The following DCP1B variants were observed in gnomAD, a reference collection of about 807,000 sequenced individuals.
DCP1B encodes decapping mRNA 1B, also known as mRNA-decapping enzyme 1B.
A neutral mutation model predicts 60.5 loss-of-function variants in DCP1B; 47 were observed. The ratio of observed to expected loss-of-function variants is 0.78; its 90% CI spans 0.61 to 0.99. DCP1B has a LOEUF of 0.99. Ranked by LOEUF, DCP1B falls within the 50% of genes least tolerant of loss-of-function variation. The probability of loss-of-function intolerance (pLI) is 0.00; values close to 1 mark genes in which losing one functional copy is unlikely to be tolerated. For synonymous variants in DCP1B, 267 were observed against 280.3 expected, an observed-to-expected ratio of 0.95 and a Z score of 0.47; for missense variants, 725 against 756.8, an observed-to-expected ratio of 0.96 and a Z score of 0.49.
rs745347717 is a variant in DCP1B, at chr12:1,952,775, T to G, written c.1165A>C (p.Thr389Pro). 1.9e-6 allele frequency: 3 copies of G among 1,614,176 alleles called. No individual in the cohort carries two copies. In the East Asian group the frequency reaches 6.7e-5, roughly 36 times the overall value. Residue 389 changes from threonine (T) to proline (P), a missense_variant, in exon 7 of 9, where the codon ACT (threonine) becomes CCT (proline). By Grantham distance (38) the Thr-to-Pro change is conservative. Transcript: ENST00000280665. Reference protein sequence around the residue: ...SAALNRSRAPTSVTPVAPGKG... With the variant: ...SAALNRSRAPPSVTPVAPGKG... ...CCTGGAGCCACAGGGGTGACAGAAG[T>G]GGGAGCTCTGCTGCGGTTCAGGGCA... is the stretch of plus-strand genomic sequence containing the variant.
chr12:1,950,281 G>T (rs768730634), intron 7 of DCP1B: 28 of 701,954 alleles, frequency 4.0e-5, no homozygotes, highest in Non-Finnish European at 5.5e-5. Flanking sequence ...GCGGTGCTGA[G>T]CAGTGATGCT....
intron 1 of DCP1B, 161 bp downstream of exon 1, chr12:2,004,121 C>G: frequency 9.6e-7 from 1 of 1,039,688 alleles, no homozygotes. Context: ...CCCCAAACCC[C>G]CGAGACCCCA....
In DCP1B at chr12:1,989,282, G is replaced by A. The variant is rs562433471; in HGVS notation, c.319+3982C>T. On this transcript the variant is annotated intron_variant, in intron 3 of 8. Transcript: ENST00000280665. ...GCCCAGGAGTTCAAGGTTGCAATGA[G>A]GCTATGACCAATGCCATGGCACTCC... 3.9e-3 allele frequency among the ~76,000 whole-genome samples: 587 copies of A among 152,336 alleles called. 4 individuals carry two copies. The highest frequency in any genetic ancestry group is 0.013 in the African/African-American group (557 of 41,570).
At chr12:1,985,912 G>A (rs761829854) in intron 3 of DCP1B, among the ~76,000 whole-genome samples, 1 of 152,044 alleles carries the variant, frequency 6.6e-6, no homozygotes. Flanking sequence ...CTGGGTTCAC[G>A]CCATTCTCCT....
At chr12:1,977,815 T>G (rs947150658) in intron 3 of DCP1B, among the ~76,000 whole-genome samples, 2 of 152,230 alleles carry the variant, frequency 1.3e-5, no homozygotes, top group Non-Finnish European at 2.9e-5. Context: ...AAATTTGACT[T>G]TCTTACTGCT....
At chr12:1,974,273 A>G (rs1049313410) in intron 3 of DCP1B, among the ~76,000 whole-genome samples, 3 of 152,182 alleles carry the variant, frequency 2.0e-5, no homozygotes, top group Non-Finnish European at 4.4e-5. Flanking sequence ...TCAATTGATT[A>G]CACCTTCTAC....
At chr12:1,961,882 C>A (rs572499508) in intron 5 of DCP1B, among the ~76,000 whole-genome samples, 1 of 152,248 alleles carries the variant, frequency 6.6e-6, no homozygotes, top group South Asian at 2.1e-4. Context: ...CTGAGAGAGA[C>A]AGAGAATGTG....
At chr12:1,959,953 CCGT>C (rs1166735833) in intron 5 of DCP1B, among the ~76,000 whole-genome samples, 30 of 117,620 alleles carry the variant, frequency 2.6e-4, no homozygotes, top group African/African-American at 9.5e-4. Context: ...GAGCAAGACT[CCGT>C]CTCAAAAAAA....
chr12:1,955,290 C>A, intron 6 of DCP1B, 142 bp downstream of exon 6: 3 of 1,046,780 alleles, frequency 2.9e-6, no homozygotes, highest in Admixed American at 2.7e-5. Flanking sequence ...ATGAAAAAAT[C>A]TGTATTCTGA....
chr12:2,002,404 G>C (rs1457045075), intron 1 of DCP1B, among the ~76,000 whole-genome samples: 1 of 152,166 alleles, frequency 6.6e-6, no homozygotes, highest in Non-Finnish European at 1.5e-5. Context: ...TTGAAGATTA[G>C]AACTTTGAAA....
intron 3 of DCP1B, among the ~76,000 whole-genome samples, chr12:1,980,967 TTAAA>T (rs1336311046): frequency 6.6e-6 from 1 of 152,086 alleles, no homozygotes; most frequent in East Asian, 1.9e-4. Context: ...TTTTTAGAAT[TTAAA>T]TAAAGTTCTA....
chr12:1,988,306 T>C (rs1334350874), intron 3 of DCP1B, among the ~76,000 whole-genome samples: 5 of 152,334 alleles, frequency 3.3e-5, no homozygotes, highest in Non-Finnish European at 4.4e-5. Flanking sequence ...CTGGTCATCA[T>C]GGCAGAAGGA....
At chr12:1,949,990 C>T (rs888930604) in intron 7 of DCP1B, 28 of 264,090 alleles carry the variant, frequency 1.1e-4, no homozygotes, top group Non-Finnish European at 1.9e-4. Flanking sequence ...GACCTGAAAC[C>T]AAGTTTTCTA....
In DCP1B at chr12:1,998,062, A is replaced by C. The variant is rs1027661197; in HGVS notation, c.151-87T>G. On this transcript the variant is annotated intron_variant, in intron 1 of 8. Transcript: ENST00000280665. ...AACAAATTCTCATAGAATAGGAATT[A>C]TATATAACTTCAATGGGCCAAATAT... 4 of 1,240,402 alleles carry C rather than the reference A, an allele frequency of 3.2e-6. No homozygotes were observed. The Admixed American group carries it at 7.0e-5, about 22-fold the overall frequency. The allele number at this position is 1,240,402 out of a possible 1,614,324, so 76.8% of individuals were successfully genotyped here.
intron 7 of DCP1B, among the ~76,000 whole-genome samples, chr12:1,950,565 TTAATAAA>T (rs1326932981): frequency 6.6e-6 from 1 of 152,330 alleles, no homozygotes; most frequent in Middle Eastern, 3.4e-3. Context: ...ATTTGGGATG[TTAATAAA>T]TAATAAATGA....
At chr12:1,974,424 C>G (rs2033630424) in intron 3 of DCP1B, among the ~76,000 whole-genome samples, 1 of 152,116 alleles carries the variant, frequency 6.6e-6, no homozygotes, top group African/African-American at 2.4e-5. Flanking sequence ...AGGATATGAG[C>G]TCCCGAAGAC....
At chr12:1,970,959 C>A in intron 3 of DCP1B, 1 of 586,524 alleles carries the variant, frequency 1.7e-6, no homozygotes, top group Non-Finnish European at 2.5e-6. Flanking sequence ...TGAAATGTTA[C>A]TGCAGGAATA....
intron 5 of DCP1B, among the ~76,000 whole-genome samples, chr12:1,958,162 C>A (rs541130216): frequency 6.8e-6 from 1 of 148,046 alleles, no homozygotes; most frequent in South Asian, 2.2e-4. Flanking sequence ...TTTCTATAAA[C>A]CTCCTGGAAG....
At chr12:1,961,026 A>G (rs2031105101) in intron 5 of DCP1B, among the ~76,000 whole-genome samples, 1 of 152,224 alleles carries the variant, frequency 6.6e-6, no homozygotes, top group Non-Finnish European at 1.5e-5. Context: ...CTTTCCAAAC[A>G]TAAGGCACTG....
Sources: allele counts gnomAD v4.1 joint callset (sites outside exome capture counted in the v4.1 genomes callset), GRCh38; gene constraint gnomAD v4.1.1; transcripts MANE v1.5; gene names NCBI Gene and HGNC (gene_info 2026-07-23, HGNC 2026-07-21).